The following SORCS1 variants were observed in gnomAD, a reference collection of about 807,000 sequenced individuals.
SORCS1 encodes the protein VPS10 domain-containing receptor SorCS1.
A neutral mutation model predicts 146.1 loss-of-function variants in SORCS1; 60 were observed. The observed-to-expected ratio is 0.41, with a 90% CI of 0.33 to 0.51. The LOEUF is 0.51. Ranked by LOEUF, SORCS1 falls within the 20% of genes least tolerant of loss-of-function variation. The pLI is 0.21. For missense variants in SORCS1, 1,352 were observed against 1,487.6 expected (o/e 0.91, Z 1.50); for synonymous variants, 637 against 584.0 (o/e 1.09, Z -1.31).
At chr10:106,904,548 G>C (rs1951837037) in intron 2 of SORCS1, among the ~76,000 whole-genome samples, 1 of 152,194 alleles carries the variant, frequency 6.6e-6, no homozygotes, top group Admixed American at 6.5e-5. Flanking sequence ...CCTAAACTGA[G>C]ACTTGGGATA....
intron 5 of SORCS1, among the ~76,000 whole-genome samples, chr10:106,749,139 C>G (rs1241887415): frequency 1.3e-5 from 2 of 152,180 alleles, no homozygotes; most frequent in Admixed American, 6.5e-5. Context: ...CTATATTTCT[C>G]AGAGTCTCTG....
At chr10:106,873,955 G>A (rs1159443711) in intron 2 of SORCS1, among the ~76,000 whole-genome samples, 7 of 152,176 alleles carry the variant, frequency 4.6e-5, no homozygotes, top group Non-Finnish European at 1.0e-4. Context: ...GTGACCTTGG[G>A]CAAGCTGCCC....
intron 1 of SORCS1, among the ~76,000 whole-genome samples, chr10:107,048,859 T>A (rs1959791900): frequency 6.6e-6 from 1 of 152,138 alleles, no homozygotes; most frequent in African/African-American, 2.4e-5. Flanking sequence ...TAAGGCCATG[T>A]TTAATGACAG....
chr10:106,987,070 G>C (rs1010702255), intron 1 of SORCS1, among the ~76,000 whole-genome samples: 1 of 152,120 alleles, frequency 6.6e-6, no homozygotes, highest in African/African-American at 2.4e-5. Flanking sequence ...CAGGGAACTG[G>C]ATCTTTTCTT....
At chr10:106,811,018 G>A (rs1207038805) in intron 3 of SORCS1, among the ~76,000 whole-genome samples, 1 of 150,398 alleles carries the variant, frequency 6.6e-6, no homozygotes, top group African/African-American at 2.5e-5. Context: ...TTGGCTCACT[G>A]CAACCTCCGC....
intron 9 of SORCS1, 124 bp downstream of exon 9, chr10:106,699,090 C>T (rs1853930188): frequency 1.6e-5 from 13 of 795,986 alleles, no homozygotes; most frequent in East Asian, 5.8e-5. Context: ...CTTTCCATCT[C>T]CCAAGAGAAA....
rs1029411697 is a variant in SORCS1, at chr10:106,575,497, G to C, written c.*1923C>G. The C allele has an allele frequency of 1.3e-5, 2 of 152,200 alleles. No homozygotes were observed. The highest frequency in any genetic ancestry group is 3.1e-3 in the Middle Eastern group (1 of 318). 9.4% of individuals were successfully genotyped at this position (152,200 alleles called of 1,614,324 possible). On this transcript the variant is annotated 3_prime_UTR_variant, in exon 26 of 26. Transcript: ENST00000263054. ...GAACTTCTTTCTCCTATAGTTTATA[G>C]TGGGCTTTGCCCAGTCCATAATACT...
intron 1 of SORCS1, among the ~76,000 whole-genome samples, chr10:107,010,738 T>C (rs1340851779): frequency 6.6e-6 from 1 of 152,218 alleles, no homozygotes; most frequent in Non-Finnish European, 1.5e-5. Flanking sequence ...GGCGGTCCCC[T>C]TCCTTTTGTA....
chr10:107,157,690 GCT>G (rs1969398299), intron 1 of SORCS1, among the ~76,000 whole-genome samples: 1 of 152,130 alleles, frequency 6.6e-6, no homozygotes, highest in Non-Finnish European at 1.5e-5. Context: ...TCTAGGATAA[GCT>G]CTGTTCTTTC....
At chr10:107,071,793 A>G (rs980087848) in intron 1 of SORCS1, among the ~76,000 whole-genome samples, 2 of 152,226 alleles carry the variant, frequency 1.3e-5, no homozygotes, top group African/African-American at 4.8e-5. Context: ...AAATTGAAGA[A>G]TTGTTAACTA....
chr10:106,671,399 G>A (rs1465993482), intron 15 of SORCS1, 32 bp from the exon 16 acceptor site: 4 of 1,612,758 alleles, frequency 2.5e-6, no homozygotes, highest in Admixed American at 1.7e-5. Flanking sequence ...AGATACTTGG[G>A]CACATAGCTT....
chr10:106,990,331 G>A (rs7893760), intron 1 of SORCS1, among the ~76,000 whole-genome samples: 4,559 of 152,190 alleles, frequency 0.03, 235 homozygotes, highest in African/African-American at 0.1. Context: ...GTGCAGTGAC[G>A]TGATCTTGGC....
At position 106,927,639 on chromosome 10, in the gene SORCS1, T is replaced by C. The variant is rs181864267; in HGVS notation, c.626+28874A>G. Among the ~76,000 whole-genome samples the C allele has an allele frequency of 1.3e-3, 199 of 152,270 alleles. 1 individual carries two copies. Among genetic ancestry groups the C allele is most frequent in the African/African-American group, 4.5e-3 (186 of 41,556 alleles). ...GGGGTCTGTTTTGACAGGGCACTGATTGGTGCGTTTACAATCCCTGAGCTA... is the reference window on the plus strand; with the variant it reads ...GGGGTCTGTTTTGACAGGGCACTGACTGGTGCGTTTACAATCCCTGAGCTA... On this transcript the variant is annotated intron_variant, in intron 2 of 25. Transcript: ENST00000263054.
At chr10:107,135,288 T>C (rs963628149) in intron 1 of SORCS1, among the ~76,000 whole-genome samples, 3 of 152,226 alleles carry the variant, frequency 2.0e-5, no homozygotes, top group South Asian at 2.1e-4. Flanking sequence ...CTGAAGACTA[T>C]ATTTACTTTC....
chr10:107,110,152 C>G (rs1260986980), intron 1 of SORCS1, among the ~76,000 whole-genome samples: 2 of 152,070 alleles, frequency 1.3e-5, no homozygotes, highest in East Asian at 3.9e-4. Flanking sequence ...CCAAACTGTC[C>G]CTCATCTTTC....
At chr10:107,175,805 T>A in the SORCS1 span, among the ~76,000 whole-genome samples, 7 of 152,342 alleles carry the variant, frequency 4.6e-5, no homozygotes, top group South Asian at 1.4e-3. Flanking sequence ...TGCATCTGAA[T>A]TTTCAAATCT....
chr10:106,948,942 CAGAGAA>C (rs1329333475), intron 2 of SORCS1, among the ~76,000 whole-genome samples: 1 of 151,214 alleles, frequency 6.6e-6, no homozygotes, highest in Non-Finnish European at 1.5e-5. Context: ...ACCTAGGAGA[CAGAGAA>C]AGACTCTGTA....
At position 106,960,930 on chromosome 10, in the gene SORCS1, C is replaced by CA. The variant is rs2139057442; in HGVS notation, c.559-4351dup. On this transcript the variant is annotated intron_variant, in intron 1 of 25. Transcript: ENST00000263054. This position sits in a 1 kb window ranked among gnomAD's most constrained non-coding sequence, Gnocchi z 4.4. ...TAGTGACCCTTTGCTCAGGCCCTTACAAAGCTCCTACTGAATAATTCCATC... is the reference window on the plus strand; with the variant it reads ...TAGTGACCCTTTGCTCAGGCCCTTACAAAAGCTCCTACTGAATAATTCCATC... 1.3e-5 allele frequency among the ~76,000 whole-genome samples: 2 copies of CA among 152,304 alleles called. No homozygotes were observed. Among genetic ancestry groups the CA allele is most frequent in the African/African-American group, 4.8e-5 (2 of 41,560 alleles).
At chr10:106,971,218 T>G (rs556410939) in intron 1 of SORCS1, among the ~76,000 whole-genome samples, 1 of 152,298 alleles carries the variant, frequency 6.6e-6, no homozygotes, top group East Asian at 1.9e-4. Context: ...AAATATGACC[T>G]CTAAGTAAGA....
Sources: allele counts gnomAD v4.1 joint callset (sites outside exome capture counted in the v4.1 genomes callset), GRCh38; gene constraint gnomAD v4.1.1; non-coding constraint Gnocchi (gnomAD v3.1); transcripts MANE v1.5; gene names NCBI Gene and HGNC (gene_info 2026-07-23, HGNC 2026-07-21).